The following ALG13 variants were observed in gnomAD, a reference collection of about 807,000 sequenced individuals.
The protein encoded by ALG13 is ALG13 UDP-N-acetylglucosaminyltransferase subunit, also known as UDP-N-acetylglucosamine transferase subunit ALG13.
ALG13 carries 11 observed loss-of-function variants against 87.8 expected under a neutral mutation model. The ratio of observed to expected loss-of-function variants is 0.13; its 90% CI spans 0.08 to 0.21. The LOEUF (loss-of-function observed/expected upper bound fraction) is 0.21. ALG13 is among the 10% of genes least tolerant of loss of function. The pLI, the probability that ALG13 is intolerant of heterozygous loss-of-function variation, is 1.00. For synonymous variants in ALG13, 320 were observed against 306.3 expected (o/e 1.04, Z -0.47); for missense variants, 756 against 866.1 (o/e 0.87, Z 1.60).
At chrX:111,683,865 A>G (rs1489588201) in intron 2 of ALG13, among the ~76,000 whole-genome samples, 1 of 111,686 alleles carries the variant, frequency 9.0e-6, no homozygotes, top group African/African-American at 3.3e-5. Context: ...AGGGTTTTTC[A>G]TTATTGATGC....
At chrX:111,735,626 A>C (rs1434776119) in intron 22 of ALG13, among the ~76,000 whole-genome samples, 1 of 111,320 alleles carries the variant, frequency 9.0e-6, no homozygotes, top group East Asian at 2.8e-4. Flanking sequence ...GAGGAATATT[A>C]TGGAAGCCCT....
chrX:111,757,697 C>T lies in ALG13; in HGVS notation c.3083C>T (p.Thr1028Ile), dbSNP rs1167718722. 2.5e-6 allele frequency: 3 copies of T among 1,207,946 alleles called. No individual in the cohort carries two copies. The highest frequency in any genetic ancestry group is 3.4e-6 in the Non-Finnish European group (3 of 894,108). ...ACTGAGCCACCTCTGGTAGATCAAA[C>T]CGTTCCTCAATGCTACAGTGAGGTG... ...VYTEPPLVDQTVPQCYSEVRR... is the reference protein window; with the variant it reads ...VYTEPPLVDQIVPQCYSEVRR... The change falls in exon 26 of 27, where the codon ACC (threonine) becomes ATC (isoleucine). Residue 1028 changes from threonine to isoleucine, a missense_variant. Around this residue, in one of 9 missense-constraint regions of ALG13, gnomAD observed 110 missense variants for 104.9 expected, o/e 1.05. Coordinates refer to ENST00000394780, the MANE Select transcript of ALG13 (RefSeq NM_001099922.3).
intron 25 of ALG13, 76 bp from the exon 26 acceptor site, chrX:111,757,511 TC>T: frequency 3.0e-6 from 2 of 671,168 alleles, no homozygotes; most frequent in East Asian, 4.2e-5. Context: ...TTTTTTTTTG[TC>T]TGTGGGGAAC....
chrX:111,706,007 T>C (rs1938679997), intron 3 of ALG13, among the ~76,000 whole-genome samples: 1 of 113,034 alleles, frequency 8.8e-6, no homozygotes, highest in Non-Finnish European at 1.9e-5. Context: ...ATTTGTGTTT[T>C]TCTTTACAAG....
chrX:111,754,999 C>T (rs1164884556), intron 25 of ALG13, among the ~76,000 whole-genome samples: 1 of 111,844 alleles, frequency 8.9e-6, no homozygotes, highest in Non-Finnish European at 1.9e-5. Context: ...CTGGAGGCAT[C>T]GTGCTATCTG....
intron 11 of ALG13, among the ~76,000 whole-genome samples, chrX:111,720,800 T>TAC (rs1941312018): frequency 4.5e-5 from 5 of 110,799 alleles, no homozygotes; most frequent in African/African-American, 1.6e-4. Flanking sequence ...GATTGTAGAG[T>TAC]ACAGAAATAT....
intron 3 of ALG13, among the ~76,000 whole-genome samples, chrX:111,693,005 T>G (rs1936388654): frequency 9.0e-6 from 1 of 110,691 alleles, no homozygotes; most frequent in Non-Finnish European, 1.9e-5. Flanking sequence ...GGTCTTGAAC[T>G]CCTGGGCTCA....
intron 19 of ALG13, among the ~76,000 whole-genome samples, chrX:111,729,485 C>T (rs1034800186): frequency 3.6e-5 from 4 of 111,250 alleles, no homozygotes; most frequent in Non-Finnish European, 7.5e-5. Flanking sequence ...TGTGTGCATG[C>T]GTGTGCTTAA....
At chrX:111,714,547 TAGTA>T (rs1443970779) in intron 8 of ALG13, among the ~76,000 whole-genome samples, 4 of 110,950 alleles carry the variant, frequency 3.6e-5, no homozygotes, top group Non-Finnish European at 7.6e-5. Flanking sequence ...TAGAGTTACA[TAGTA>T]AGAGGTAGAG....
Position 111,681,231 on chromosome X carries a change from T to C in ALG13, c.13T>C (p.Phe5Leu), listed in dbSNP as rs199754211. ...AGGAACCCGCGCCATGAAGTGCGTG[T>C]TTGTTACCGTAGGGACCACCAGCTT... MKCV[F>L]VTVGTTSFDD... The change falls in exon 1 of 27, where the codon TTT becomes CTT. Residue 5 changes from phenylalanine to leucine, a missense_variant. Around this residue, in one of 9 missense-constraint regions of ALG13, gnomAD observed 153 missense variants for 168.7 expected, o/e 0.91. Transcript: ENST00000394780. 147 of 1,210,771 alleles carry C rather than the reference T, an allele frequency of 1.2e-4. No individual in the cohort carries two copies. The highest frequency in any genetic ancestry group is 1.5e-4 in the Non-Finnish European group (138 of 895,212).
chrX:111,721,526 A>G (rs2148151419), intron 11 of ALG13, 77 bp from the exon 12 acceptor site: 1 of 455,357 alleles, frequency 2.2e-6, no homozygotes, highest in African/African-American at 2.9e-5. Flanking sequence ...TCATAGAAGG[A>G]AGAAACTTAA....
At chrX:111,706,078 G>A (rs1184118404) in intron 3 of ALG13, among the ~76,000 whole-genome samples, 3 of 108,627 alleles carry the variant, frequency 2.8e-5, no homozygotes. Flanking sequence ...TTTTTGAGAC[G>A]GAGTCTCGCT....
intron 17 of ALG13, 38 bp downstream of exon 17, chrX:111,727,483 T>A (rs1167322928): frequency 9.0e-7 from 1 of 1,116,423 alleles, no homozygotes; most frequent in Non-Finnish European, 1.2e-6. Flanking sequence ...AATTGGTAAG[T>A]CTGATTTCAT....
At chrX:111,689,191 C>A in intron 3 of ALG13, 1 of 745,140 alleles carries the variant, frequency 1.3e-6, no homozygotes, top group South Asian at 6.8e-5. Context: ...TGAGAATAAT[C>A]TAAAAAGTGA....
At position 111,726,802 on chromosome X, in the gene ALG13, C is replaced by T. The variant is rs750726885; in HGVS notation, c.1730-7C>T. 4.1e-6 allele frequency: 5 copies of T among 1,208,364 alleles called. No individual in the cohort carries two copies. Among genetic ancestry groups the T allele is most frequent in the Non-Finnish European group, 5.6e-6 (5 of 894,489 alleles). On this transcript the variant is annotated splice_region_variant and splice_polypyrimidine_tract_variant and intron_variant, in intron 15 of 26. Transcript: ENST00000394780. ...GCTTATTTGCTACCTCTTTGTTTGC[C>T]TGAAAGTTATATCAGAGATGGACAT...
chrX:111,723,911 T>C lies in ALG13; in HGVS notation c.1601+13T>C, dbSNP rs1941685808. 1 of 1,025,376 alleles carries C rather than the reference T, an allele frequency of 9.8e-7. No homozygotes were observed. Among genetic ancestry groups the C allele is most frequent in the South Asian group, 2.3e-5 (1 of 43,961 alleles). 84.5% of individuals were successfully genotyped at this position (1,025,376 alleles called of 1,213,427 possible). ...AATTGGCGGAAAAGTAGGAATATGA[T>C]AATTTGTTGAATTACTGAAATCTTT... On this transcript the variant is annotated intron_variant, in intron 14 of 26. Coordinates refer to ENST00000394780, the MANE Select transcript of ALG13 (RefSeq NM_001099922.3).
chrX:111,718,014 CTTG>C, intron 9 of ALG13, 87 bp downstream of exon 9: 1 of 1,069,310 alleles, frequency 9.4e-7, no homozygotes, highest in Admixed American at 2.6e-5. Flanking sequence ...CCTTTAAAAC[CTTG>C]TTGGTACCTA....
chrX:111,714,148 A>G (rs1940219024), intron 8 of ALG13: 1 of 111,323 alleles, frequency 9.0e-6, no homozygotes, highest in South Asian at 3.8e-4. Flanking sequence ...TGAATAGGAG[A>G]TAACTTAGAA....
chrX:111,691,223 C>T (rs1318663580), intron 3 of ALG13, among the ~76,000 whole-genome samples: 2 of 110,750 alleles, frequency 1.8e-5, no homozygotes, highest in Non-Finnish European at 3.8e-5. Context: ...GTCTCTGCCT[C>T]CCGAGTAGTT....
Sources: gnomAD v4.1 joint callset for allele counts (sites outside exome capture counted in the v4.1 genomes callset) on GRCh38, gnomAD v4.1.1 for gene constraint, gnomAD v4.1.1 regional missense constraint, MANE v1.5 for transcripts, NCBI Gene and HGNC (gene_info 2026-07-23, HGNC 2026-07-21) for gene names.